Variants in TP53BP2 observed in about 807,000 individuals in gnomAD.
TP53BP2 encodes the protein apoptosis-stimulating of p53 protein 2.
In TP53BP2, 62 loss-of-function variants were observed where a neutral mutation model predicts 126.2. The ratio of observed to expected loss-of-function variants is 0.49; its 90% CI spans 0.40 to 0.61. The LOEUF is 0.61. Among genes scored for constraint, TP53BP2 ranks in the 20% least tolerant of loss-of-function variants. The pLI is 0.00. For synonymous variants in TP53BP2, 485 were observed against 502.9 expected (o/e 0.96, Z 0.48); for missense variants, 1,215 against 1,402.8 (o/e 0.87, Z 2.14).
At chr1:223,824,712 A>G (rs186198783) in intron 1 of TP53BP2, among the ~76,000 whole-genome samples, 137 of 152,248 alleles carry the variant, frequency 9.0e-4, no homozygotes, top group Non-Finnish European at 1.7e-3. Flanking sequence ...TATTTAGTAA[A>G]TGTTTACTAG....
intron 11 of TP53BP2, 65 bp downstream of exon 11, chr1:223,799,834 T>A: frequency 7.0e-7 from 1 of 1,437,268 alleles, no homozygotes; most frequent in South Asian, 1.5e-5. Context: ...CAATACTTTA[T>A]CCCTTCTAAA....
At chr1:223,784,529 G>T (rs1661884039) in intron 16 of TP53BP2, among the ~76,000 whole-genome samples, 1 of 152,132 alleles carries the variant, frequency 6.6e-6, no homozygotes. Context: ...ATTACTATAT[G>T]CTATCATCTC....
chr1:223,833,600 TA>T (rs781074000), intron 1 of TP53BP2, among the ~76,000 whole-genome samples: 2 of 152,108 alleles, frequency 1.3e-5, no homozygotes, highest in South Asian at 4.1e-4. Flanking sequence ...AGATGTCTGG[TA>T]AAAGAACCAC....
intron 5 of TP53BP2, among the ~76,000 whole-genome samples, chr1:223,805,322 T>C (rs1006946390): frequency 1.5e-4 from 23 of 152,156 alleles, no homozygotes; most frequent in African/African-American, 5.3e-4. Flanking sequence ...AGAAATTTGT[T>C]CTTCAACAAC....
At chr1:223,837,770 T>C (rs531477291) in intron 1 of TP53BP2, among the ~76,000 whole-genome samples, 1 of 152,228 alleles carries the variant, frequency 6.6e-6, no homozygotes, top group African/African-American at 2.4e-5. Context: ...ATCAATCAGG[T>C]TGTCACTTTT....
At chr1:223,806,598 C>T (rs6663152) in intron 5 of TP53BP2, among the ~76,000 whole-genome samples, 25,404 of 152,038 alleles carry the variant, frequency 0.17, 2,642 homozygotes, top group South Asian at 0.24. Flanking sequence ...CCGAAGTGGG[C>T]GGATCACCTG....
At chr1:223,844,939 C>A (rs1460320948) in intron 1 of TP53BP2, among the ~76,000 whole-genome samples, 1 of 152,234 alleles carries the variant, frequency 6.6e-6, no homozygotes, top group Non-Finnish European at 1.5e-5. Context: ...CGCAAACCTC[C>A]ATTCCGCGAT....
At chr1:223,806,802 C>T (rs773813230) in intron 5 of TP53BP2, 44 bp downstream of exon 5, 13 of 1,517,100 alleles carry the variant, frequency 8.6e-6, no homozygotes, top group South Asian at 1.1e-5. Flanking sequence ...CCAGCCTAGG[C>T]GACAGAGTGA....
rs1296076461 is a variant in TP53BP2, at chr1:223,804,367, A to G, written c.475-19T>C. The G allele has an allele frequency of 1.2e-6, 2 of 1,610,312 alleles. No homozygotes were observed. Among genetic ancestry groups the G allele is most frequent in the African/African-American group, 1.3e-5 (1 of 74,764 alleles). ...GCTGTTCCTAAAAATAAAAGTAATC[A>G]TTAGGTATGTCATTTTAGGTAAGTA... On this transcript the variant is annotated intron_variant, in intron 5 of 17. Coordinates refer to ENST00000343537, the MANE Select transcript of TP53BP2 (RefSeq NM_001031685.3).
chr1:223,800,048 C>T lies in TP53BP2; in HGVS notation c.1337-1G>A. On this transcript the variant is annotated splice_acceptor_variant, in intron 10 of 17. Coordinates refer to ENST00000343537, the MANE Select transcript of TP53BP2 (RefSeq NM_001031685.3). LOFTEE classifies it high-confidence loss of function. Reference sequence around the variant, plus strand: ...CTCAGCGGAACCTCTCCATCATCAACTAAAGACAAAAAAATCACAATGACA... The same window carrying T: ...CTCAGCGGAACCTCTCCATCATCAATTAAAGACAAAAAAATCACAATGACA... The T allele has an allele frequency of 2.5e-6, 4 of 1,592,992 alleles. No homozygotes were observed. The highest frequency in any genetic ancestry group is 2.3e-5 in the South Asian group (2 of 87,222).
At chr1:223,833,985 G>T (rs1456205507) in intron 1 of TP53BP2, among the ~76,000 whole-genome samples, 1 of 152,174 alleles carries the variant, frequency 6.6e-6, no homozygotes, top group Non-Finnish European at 1.5e-5. Flanking sequence ...GGACTTTTGA[G>T]CTGAGACTGA....
rs769229662 is a variant in TP53BP2, at chr1:223,796,389, C to T, written c.2150G>A (p.Arg717Gln). The T allele has an allele frequency of 4.3e-6, 7 of 1,614,144 alleles. No individual in the cohort carries two copies. The highest frequency in any genetic ancestry group is 2.2e-5 in the South Asian group (2 of 91,082). ...KLLPFLSNPY[R>Q]NQSDADLEAL... ...TTCTAGGTCAGCATCACTCTGGTTT[C>T]GGTAAGGATTAGATAAGAAAGGCAG... The change falls in exon 13 of 18, where the codon CGA becomes CAA. Residue 717 changes from arginine (R) to glutamine (Q), a missense_variant. Physicochemically the swap from Arg to Gln is conservative, Grantham distance 43. Around this residue, in one of 4 missense-constraint regions of TP53BP2, gnomAD observed 46 missense variants for 93.0 expected, o/e 0.49. Transcript: ENST00000343537. The surrounding 1 kb of genome is among the most constrained non-coding windows in gnomAD (Gnocchi z 4.2).
intron 1 of TP53BP2, chr1:223,826,119 C>T (rs1327165089): frequency 6.6e-6 from 1 of 152,228 alleles, no homozygotes; most frequent in Non-Finnish European, 1.5e-5. Context: ...CAACCAGAGG[C>T]AACACATTTA....
intron 14 of TP53BP2, 124 bp downstream of exon 14, chr1:223,793,179 T>A (rs1349888050): frequency 1.3e-5 from 10 of 783,460 alleles, no homozygotes; most frequent in Non-Finnish European, 1.8e-5. Flanking sequence ...TACAGTCGCT[T>A]TCTAATTAGA....
At chr1:223,830,557 T>C (rs1196376375) in intron 1 of TP53BP2, among the ~76,000 whole-genome samples, 1 of 146,764 alleles carries the variant, frequency 6.8e-6, no homozygotes. Context: ...AAAACTGAAA[T>C]GAAGAAAAAC....
At chr1:223,805,286 T>C (rs1662673952) in intron 5 of TP53BP2, among the ~76,000 whole-genome samples, 1 of 152,144 alleles carries the variant, frequency 6.6e-6, no homozygotes, top group Non-Finnish European at 1.5e-5. Flanking sequence ...GGACTTGTTT[T>C]TAAGTCCTTG....
At chr1:223,831,053 G>C (rs182035926) in intron 1 of TP53BP2, among the ~76,000 whole-genome samples, 25 of 151,836 alleles carry the variant, frequency 1.6e-4, no homozygotes, top group Non-Finnish European at 2.8e-4. Context: ...AGCCGAGATC[G>C]CGCCACTGCA....
chr1:223,832,439 A>G (rs781699394), intron 1 of TP53BP2, among the ~76,000 whole-genome samples: 8 of 152,144 alleles, frequency 5.3e-5, no homozygotes, highest in Non-Finnish European at 8.8e-5. Flanking sequence ...GATAAATGTA[A>G]AACTATTACT....
intron 11 of TP53BP2, among the ~76,000 whole-genome samples, chr1:223,799,137 CTTAT>C (rs1662444061): frequency 6.6e-6 from 1 of 151,866 alleles, no homozygotes; most frequent in Non-Finnish European, 1.5e-5. Flanking sequence ...GTTTTATGTA[CTTAT>C]TTATTTTTAT....
Sources: gnomAD v4.1 joint callset for allele counts (sites outside exome capture counted in the v4.1 genomes callset) on GRCh38, gnomAD v4.1.1 for gene constraint, gnomAD v4.1.1 regional missense constraint, Gnocchi (gnomAD v3.1) non-coding constraint, MANE v1.5 for transcripts, NCBI Gene and HGNC (gene_info 2026-07-23, HGNC 2026-07-21) for gene names.